The following FBXL7 variants were observed in gnomAD, a reference collection of about 807,000 sequenced individuals.
FBXL7 encodes F-box/LRR-repeat protein 7.
In FBXL7, 12 loss-of-function variants were observed where a neutral mutation model predicts 38.3. That is an observed-to-expected ratio of 0.31 (90% CI 0.20 to 0.51). The LOEUF (loss-of-function observed/expected upper bound fraction) is 0.51. FBXL7 is among the 20% of genes least tolerant of loss of function. FBXL7 has a pLI of 0.98. For synonymous variants in FBXL7, 297 were observed against 300.9 expected (o/e 0.99, Z 0.13); for missense variants, 567 against 676.4 (o/e 0.84, Z 1.79).
intron 2 of FBXL7, among the ~76,000 whole-genome samples, chr5:15,681,691 C>A (rs546871701): frequency 1.3e-4 from 20 of 152,172 alleles, no homozygotes; most frequent in Non-Finnish European, 2.4e-4. Context: ...AAAGAAGTTT[C>A]AAAAATGTGG....
chr5:15,774,431 T>C (rs1700269862), intron 2 of FBXL7, among the ~76,000 whole-genome samples: 1 of 152,190 alleles, frequency 6.6e-6, no homozygotes, highest in South Asian at 2.1e-4. Flanking sequence ...CTACCATATA[T>C]ATTGATGTAG....
Position 15,557,236 on chromosome 5 carries a change from C to T in FBXL7, c.37+56523C>T, listed in dbSNP as rs749676531. Among the ~76,000 whole-genome samples the T allele has an allele frequency of 2.8e-4, 42 of 152,182 alleles. 1 individual carries two copies. The highest frequency in any genetic ancestry group is 2.4e-3 in the Admixed American group (37 of 15,280). On this transcript the variant is annotated intron_variant, in intron 1 of 3. Coordinates refer to ENST00000504595, the MANE Select transcript of FBXL7 (RefSeq NM_012304.5). ...TACAGGCGTGAGCCACTGCGCCCGG[C>T]GGAGCCAGATTGTTAATTCAACCTG... is the stretch of plus-strand genomic sequence containing the variant.
intron 2 of FBXL7, among the ~76,000 whole-genome samples, chr5:15,671,038 TA>T (rs1252649775): frequency 6.6e-6 from 1 of 152,102 alleles, no homozygotes; most frequent in Non-Finnish European, 1.5e-5. Flanking sequence ...CTTCTTTCAT[TA>T]TTATGTGAGA....
intron 2 of FBXL7, among the ~76,000 whole-genome samples, chr5:15,814,641 T>G (rs560124267): frequency 6.6e-6 from 1 of 152,156 alleles, no homozygotes; most frequent in South Asian, 2.1e-4. Flanking sequence ...GTAAAAAAAT[T>G]TTTTTTAATG....
intron 2 of FBXL7, among the ~76,000 whole-genome samples, chr5:15,707,644 A>G (rs1464713215): frequency 2.6e-5 from 4 of 152,192 alleles, no homozygotes; most frequent in Non-Finnish European, 5.9e-5. Context: ...GGCAGTGTAC[A>G]TACAAAACGT....
chr5:15,639,270 A>G (rs1412959482), intron 2 of FBXL7, among the ~76,000 whole-genome samples: 1 of 152,176 alleles, frequency 6.6e-6, no homozygotes, highest in African/African-American at 2.4e-5. Flanking sequence ...TTTATTGGAC[A>G]CTGATATGGT....
chr5:15,923,041 C>A lies in FBXL7; in HGVS notation c.128-4849C>A, dbSNP rs80043820. ...TAGTCAGCTTTATTTTCTTTCAGCA[C>A]ATATAGTCAGTTTGTATTGCAATGT... On this transcript the variant is annotated intron_variant, in intron 2 of 3. Transcript: ENST00000504595. 9.5e-3 allele frequency among the ~76,000 whole-genome samples: 1,453 copies of A among 152,288 alleles called. 18 individuals are homozygous for A. Among genetic ancestry groups the A allele is most frequent in the African/African-American group, 0.032 (1,318 of 41,550 alleles).
At chr5:15,929,565 A>C (rs996553922) in intron 3 of FBXL7, among the ~76,000 whole-genome samples, 3 of 150,662 alleles carry the variant, frequency 2.0e-5, no homozygotes, top group East Asian at 4.0e-4. Flanking sequence ...TCGAAGCTGC[A>C]GTGAACTATG....
intron 2 of FBXL7, among the ~76,000 whole-genome samples, chr5:15,884,765 T>G (rs904886681): frequency 1.3e-5 from 2 of 152,192 alleles, no homozygotes; most frequent in African/African-American, 4.8e-5. Flanking sequence ...TTTTACCATT[T>G]GAATCACAGT....
chr5:15,729,754 A>C (rs968322011), intron 2 of FBXL7, among the ~76,000 whole-genome samples: 2 of 152,184 alleles, frequency 1.3e-5, no homozygotes, highest in African/African-American at 4.8e-5. Context: ...AATTTTCATC[A>C]TAACTACTTT....
At chr5:15,842,719 T>A (rs1361414862) in intron 2 of FBXL7, among the ~76,000 whole-genome samples, 1 of 152,194 alleles carries the variant, frequency 6.6e-6, no homozygotes, top group Non-Finnish European at 1.5e-5. Context: ...AATCTCACAA[T>A]ATCTGATGGT....
chr5:15,662,318 G>T (rs1742113189), intron 2 of FBXL7, among the ~76,000 whole-genome samples: 1 of 152,214 alleles, frequency 6.6e-6, no homozygotes, highest in Middle Eastern at 3.4e-3. Flanking sequence ...GTCCGTTCAT[G>T]TTCTTTGCCC....
chr5:15,525,327 T>A (rs1737221060), intron 1 of FBXL7, among the ~76,000 whole-genome samples: 1 of 152,242 alleles, frequency 6.6e-6, no homozygotes, highest in South Asian at 2.1e-4. Context: ...AATCTTTTTC[T>A]GTTTCATATA....
At chr5:15,825,557 C>T (rs914758110) in intron 2 of FBXL7, among the ~76,000 whole-genome samples, 4 of 152,128 alleles carry the variant, frequency 2.6e-5, no homozygotes, top group African/African-American at 9.7e-5. Context: ...CTCACCTGTG[C>T]GTTTGAATAA....
chr5:15,650,528 A>G (rs1276982557), intron 2 of FBXL7, among the ~76,000 whole-genome samples: 4 of 152,196 alleles, frequency 2.6e-5, no homozygotes, highest in African/African-American at 9.6e-5. Context: ...AGTTTACCAC[A>G]TTGGTTGACT....
intron 2 of FBXL7, among the ~76,000 whole-genome samples, chr5:15,918,768 G>T (rs151038409): frequency 6.6e-6 from 1 of 152,202 alleles, no homozygotes; most frequent in Non-Finnish European, 1.5e-5. Flanking sequence ...AAGAAAGCAG[G>T]TCTTTTGTCC....
intron 2 of FBXL7, among the ~76,000 whole-genome samples, chr5:15,680,748 C>T (rs976473000): frequency 1.3e-5 from 2 of 152,118 alleles, no homozygotes; most frequent in East Asian, 3.9e-4. Flanking sequence ...TTTAGGATGC[C>T]AATGTATTAT....
At chr5:15,697,785 C>G (rs555142546) in intron 2 of FBXL7, among the ~76,000 whole-genome samples, 133 of 152,310 alleles carry the variant, frequency 8.7e-4, no homozygotes, top group Non-Finnish European at 1.2e-3. Context: ...TGCCCTGACT[C>G]TGGTTAAACT....
intron 2 of FBXL7, among the ~76,000 whole-genome samples, chr5:15,882,917 C>A (rs1346912069): frequency 6.6e-6 from 1 of 151,536 alleles, no homozygotes; most frequent in Non-Finnish European, 1.5e-5. Context: ...TTTTTCATTG[C>A]AGGGATTATA....
Sources: gnomAD v4.1 joint callset for allele counts (sites outside exome capture counted in the v4.1 genomes callset) on GRCh38, gnomAD v4.1.1 for gene constraint, MANE v1.5 for transcripts, NCBI Gene and HGNC (gene_info 2026-07-23, HGNC 2026-07-21) for gene names.